Variants in CC2D2B observed in about 807,000 individuals in gnomAD.
The protein encoded by CC2D2B is coiled-coil and C2 domain containing 2B.
CC2D2B carries 128 observed loss-of-function variants against 161.2 expected under a neutral mutation model. The ratio of observed to expected loss-of-function variants is 0.79; its 90% CI spans 0.69 to 0.92. The LOEUF (loss-of-function observed/expected upper bound fraction) is 0.92, where lower values mean the gene tolerates loss of function less well. CC2D2B is among the 40% of genes least tolerant of loss of function. The pLI is 0.00. For synonymous variants in CC2D2B, 391 were observed against 449.8 expected (o/e 0.87, Z 1.65); for missense variants, 1,173 against 1,375.1 (o/e 0.85, Z 2.32).
At chr10:95,927,191 A>T in intron 5 of CC2D2B, 46 bp from the exon 6 acceptor site, 1 of 1,064,310 alleles carries the variant, frequency 9.4e-7, no homozygotes, top group Non-Finnish European at 1.4e-6. Context: ...TTTACTTATA[A>T]GCAGAAAAAG....
At position 95,938,828 on chromosome 10, in the gene CC2D2B, T is replaced by C. The variant is rs1419587128; in HGVS notation, c.704T>C (p.Ile235Thr). 7 of 710,740 alleles carry C rather than the reference T, an allele frequency of 9.8e-6. No homozygotes were observed. The highest frequency in any genetic ancestry group is 1.8e-5 in the Non-Finnish European group (7 of 383,184). 44.0% of individuals were successfully genotyped at this position (710,740 alleles called of 1,614,324 possible). ...GKCWFGESGE[I>T]MSLPTPIKQS... Reference sequence around the variant, plus strand: ...TGTTGGTTTGGAGAAAGTGGAGAAATAATGTCATTACCTACACCTATTAAA... The same window carrying C: ...TGTTGGTTTGGAGAAAGTGGAGAAACAATGTCATTACCTACACCTATTAAA... The change falls in exon 9 of 35, where the codon ATA (isoleucine) becomes ACA (threonine). Residue 235 changes from isoleucine (I) to threonine (T), a missense_variant. Ile to Thr is a moderately conservative substitution (Grantham distance 89). Transcript: ENST00000646931.
intron 24 of CC2D2B, chr10:95,999,652 G>C (rs1366806970): frequency 1.1e-5 from 2 of 176,628 alleles, no homozygotes; most frequent in African/African-American, 4.8e-5. Flanking sequence ...TAATGCATTA[G>C]GACACAATTA....
intron 14 of CC2D2B, among the ~76,000 whole-genome samples, chr10:95,968,150 T>C (rs1277549453): frequency 6.6e-6 from 1 of 151,332 alleles, no homozygotes; most frequent in Non-Finnish European, 1.5e-5. Flanking sequence ...GGTTCAGAGA[T>C]AGGGTGGCCT....
intron 24 of CC2D2B, among the ~76,000 whole-genome samples, chr10:96,003,609 T>TGTGTGTGC (rs1554848211): frequency 6.6e-6 from 1 of 150,636 alleles, no homozygotes; most frequent in Non-Finnish European, 1.5e-5. Context: ...TGTGTGTGTG[T>TGTGTGTGC]GTGTGTGTGT....
At chr10:95,978,341 T>C (rs1296360527) in intron 17 of CC2D2B, among the ~76,000 whole-genome samples, 3 of 152,168 alleles carry the variant, frequency 2.0e-5, no homozygotes, top group African/African-American at 7.2e-5. Context: ...TTATTGAATT[T>C]GTATTGGAGC....
At chr10:96,029,070 C>T (rs995718704) in intron 34 of CC2D2B, among the ~76,000 whole-genome samples, 3 of 151,276 alleles carry the variant, frequency 2.0e-5, no homozygotes, top group African/African-American at 7.3e-5. Flanking sequence ...AACAGGGTAA[C>T]TATAGTCAAT....
chr10:96,015,369 G>A (rs982238431), intron 29 of CC2D2B, among the ~76,000 whole-genome samples: 1 of 150,950 alleles, frequency 6.6e-6, no homozygotes, highest in Non-Finnish European at 1.5e-5. Context: ...GAGCCACCGC[G>A]CCTGGCCATA....
chr10:95,956,209 A>C (rs943743478), intron 11 of CC2D2B, among the ~76,000 whole-genome samples: 1 of 152,172 alleles, frequency 6.6e-6, no homozygotes, highest in Admixed American at 6.6e-5. Context: ...CACAATTTTA[A>C]TCCTAGCTCA....
At chr10:96,015,127 C>T (rs569520245) in intron 29 of CC2D2B, among the ~76,000 whole-genome samples, 3 of 151,816 alleles carry the variant, frequency 2.0e-5, no homozygotes, top group African/African-American at 4.8e-5. Context: ...TGCAGTGGCA[C>T]GATCTCGACT....
chr10:95,917,725 T>C (rs1371365157), intron 2 of CC2D2B, among the ~76,000 whole-genome samples: 2 of 152,186 alleles, frequency 1.3e-5, no homozygotes, highest in South Asian at 4.1e-4. Flanking sequence ...TTTAACTTTT[T>C]GTTTCTATTT....
At chr10:96,006,985 TC>T (rs1247835145) in intron 25 of CC2D2B, among the ~76,000 whole-genome samples, 1 of 152,192 alleles carries the variant, frequency 6.6e-6, no homozygotes, top group Non-Finnish European at 1.5e-5. Context: ...TCATTGCTTC[TC>T]AGAGAGGATG....
At chr10:96,027,799 A>C (rs887800902) in intron 34 of CC2D2B, among the ~76,000 whole-genome samples, 4 of 152,206 alleles carry the variant, frequency 2.6e-5, no homozygotes, top group Non-Finnish European at 5.9e-5. Context: ...AACATAGACC[A>C]ATGGAACAGA....
At chr10:95,947,082 A>AAAAAAT (rs1467752343) in intron 9 of CC2D2B, among the ~76,000 whole-genome samples, 1 of 39,500 alleles carries the variant, frequency 2.5e-5, no homozygotes, top group Non-Finnish European at 5.3e-5. Flanking sequence ...TGGACTCAAA[A>AAAAAAT]ATATATATAT....
chr10:95,990,163 A>G (rs2077892407), intron 20 of CC2D2B, among the ~76,000 whole-genome samples: 1 of 152,184 alleles, frequency 6.6e-6, no homozygotes, highest in African/African-American at 2.4e-5. Flanking sequence ...TTGAGTATAT[A>G]TTCTATAAGT....
chr10:96,025,174 TATA>T (rs2079671384), intron 33 of CC2D2B, among the ~76,000 whole-genome samples: 3 of 15,084 alleles, frequency 2.0e-4, no homozygotes, highest in Non-Finnish European at 3.5e-4. Context: ...TATATATATA[TATA>T]TATATATAAA....
chr10:95,976,253 C>A (rs1396678967), intron 17 of CC2D2B, among the ~76,000 whole-genome samples: 1 of 152,180 alleles, frequency 6.6e-6, no homozygotes, highest in African/African-American at 2.4e-5. Context: ...ACATTCCCTC[C>A]ACTTTCTGCT....
At chr10:95,933,859 C>T (rs939379770) in intron 6 of CC2D2B, among the ~76,000 whole-genome samples, 11 of 152,196 alleles carry the variant, frequency 7.2e-5, no homozygotes, top group African/African-American at 2.7e-4. Context: ...GCACAGGGGT[C>T]AGGGAACCAC....
At chr10:95,922,225 G>A (rs2098528782) in intron 3 of CC2D2B, 149 bp downstream of exon 3, 2 of 474,650 alleles carry the variant, frequency 4.2e-6, no homozygotes, top group Non-Finnish European at 7.6e-6. Context: ...AATAAAACAA[G>A]ATGGGCATAA....
chr10:95,909,161 CAGTTA>C (rs1316774215), intron 1 of CC2D2B, among the ~76,000 whole-genome samples: 8 of 152,190 alleles, frequency 5.3e-5, no homozygotes, highest in Non-Finnish European at 1.0e-4. Context: ...AACAAGATAA[CAGTTA>C]AGTTAATTTT....
Sources: gnomAD v4.1 joint callset for allele counts (sites outside exome capture counted in the v4.1 genomes callset) on GRCh38, gnomAD v4.1.1 for gene constraint, MANE v1.5 for transcripts, NCBI Gene and HGNC (gene_info 2026-07-23, HGNC 2026-07-21) for gene names.